The following SLC25A26 variants were observed in gnomAD, a reference collection of about 807,000 sequenced individuals.
The protein encoded by SLC25A26 is solute carrier family 25 member 26.
A neutral mutation model predicts 37.8 loss-of-function variants in SLC25A26; 36 were observed. The ratio of observed to expected loss-of-function variants is 0.95; its 90% CI spans 0.73 to 1.26. SLC25A26 has a LOEUF of 1.26. SLC25A26 is among the 50% of genes most tolerant of loss of function. The probability of loss-of-function intolerance (pLI) is 0.00; values close to 1 mark genes in which losing one functional copy is unlikely to be tolerated. For missense variants in SLC25A26, 390 were observed against 331.1 expected (o/e 1.18, Z -1.38); for synonymous variants, 129 against 122.5 (o/e 1.05, Z -0.35).
At chr3:66,181,904 G>A (rs2070715749) in intron 1 of SLC25A26, among the ~76,000 whole-genome samples, 1 of 149,490 alleles carries the variant, frequency 6.7e-6, no homozygotes, top group Non-Finnish European at 1.5e-5. Flanking sequence ...TGGATGTTGT[G>A]TGTGTGTGCA....
chr3:66,289,535 G>C (rs2074632828), intron 5 of SLC25A26, among the ~76,000 whole-genome samples: 1 of 152,080 alleles, frequency 6.6e-6, no homozygotes, highest in Non-Finnish European at 1.5e-5. Context: ...TGAGTTTTCT[G>C]CTTATGGCTA....
chr3:66,375,534 C>T (rs900963446), intron 9 of SLC25A26, among the ~76,000 whole-genome samples: 10 of 151,700 alleles, frequency 6.6e-5, no homozygotes, highest in African/African-American at 2.4e-4. Flanking sequence ...AGCCAATGCT[C>T]ATTGACTCTT....
intron 1 of SLC25A26, among the ~76,000 whole-genome samples, chr3:66,137,381 C>T (rs60358841): frequency 0.19 from 28,174 of 151,958 alleles, 3,189 homozygotes; most frequent in South Asian, 0.27. Flanking sequence ...GGCCTGCCAC[C>T]AGGCCTGGGT....
intron 6 of SLC25A26, among the ~76,000 whole-genome samples, chr3:66,347,548 T>A (rs1231262876): frequency 6.6e-6 from 1 of 152,152 alleles, no homozygotes; most frequent in East Asian, 1.9e-4. Flanking sequence ...AGTTCAACCA[T>A]TGTGGAAGAC....
chr3:66,267,747 G>A (rs950255242), intron 5 of SLC25A26, among the ~76,000 whole-genome samples: 9 of 152,214 alleles, frequency 5.9e-5, no homozygotes, highest in Non-Finnish European at 1.2e-4. Context: ...AATCTGTTCA[G>A]TAAGTTCATT....
At chr3:66,302,125 G>A (rs987718383) in intron 5 of SLC25A26, among the ~76,000 whole-genome samples, 5 of 152,164 alleles carry the variant, frequency 3.3e-5, no homozygotes, top group East Asian at 1.9e-4. Flanking sequence ...TTTATCCCCA[G>A]TGTCTCTAAT....
intron 2 of SLC25A26, among the ~76,000 whole-genome samples, chr3:66,237,104 C>T (rs570600535): frequency 6.6e-6 from 1 of 152,264 alleles, no homozygotes; most frequent in South Asian, 2.1e-4. Context: ...CCCCAAAGTG[C>T]TGGGATTATA....
chr3:66,185,421 A>C (rs2070806839), intron 1 of SLC25A26, among the ~76,000 whole-genome samples: 1 of 152,200 alleles, frequency 6.6e-6, no homozygotes, highest in East Asian at 1.9e-4. Context: ...TGAGCGTTCA[A>C]GTATCTCTTT....
chr3:66,358,465 C>T (rs978695385), intron 6 of SLC25A26, among the ~76,000 whole-genome samples: 12 of 152,218 alleles, frequency 7.9e-5, no homozygotes, highest in African/African-American at 2.2e-4. Flanking sequence ...TAAGTCATTC[C>T]GGTAGAAATT....
rs149722653 is a variant in SLC25A26 at position 66,180,963 on chromosome 3, C to T, written c.-353-39779C>T. Among the ~76,000 whole-genome samples, 568 of 152,200 alleles carry T rather than the reference C, an allele frequency of 3.7e-3. 4 individuals carry two copies. Among genetic ancestry groups the T allele is most frequent in the African/African-American group, 0.013 (538 of 41,506 alleles). ...AAGAGAAAGAGACACCAGGAGTGTA[C>T]ATACACAGGAAAAAGGCCATGGGAG... On this transcript the variant is annotated intron_variant, in intron 1 of 10. Transcript: ENST00000676754.
intron 5 of SLC25A26, among the ~76,000 whole-genome samples, chr3:66,329,966 C>T (rs1409401006): frequency 7.2e-5 from 11 of 152,088 alleles, no homozygotes; most frequent in African/African-American, 1.7e-4. Flanking sequence ...GGATCTAATC[C>T]GTCAGTAAAT....
At chr3:66,341,335 C>T (rs2076204993) in intron 5 of SLC25A26, among the ~76,000 whole-genome samples, 1 of 152,062 alleles carries the variant, frequency 6.6e-6, no homozygotes, top group Admixed American at 6.6e-5. Context: ...AAACTTGTTT[C>T]CAGGGCTTTA....
chr3:66,304,320 C>T (rs942859842), intron 5 of SLC25A26: 5 of 410,866 alleles, frequency 1.2e-5, no homozygotes, highest in African/African-American at 1.0e-4. Flanking sequence ...CCCACAATGC[C>T]TCTTGATTTA....
At chr3:66,209,058 A>ATATG (rs2071230073) in intron 1 of SLC25A26, among the ~76,000 whole-genome samples, 4 of 24,438 alleles carry the variant, frequency 1.6e-4, no homozygotes, top group African/African-American at 6.2e-4. Context: ...ATATATATAT[A>ATATG]TATATATACA....
intron 5 of SLC25A26, among the ~76,000 whole-genome samples, chr3:66,311,185 C>T (rs1270180829): frequency 2.0e-5 from 3 of 151,890 alleles, no homozygotes; most frequent in East Asian, 1.9e-4. Context: ...AGGCTTTGTT[C>T]GTTCCTTTTC....
upstream of SLC25A26, among the ~76,000 whole-genome samples, chr3:66,219,782 C>G (rs2071419744): frequency 6.6e-6 from 1 of 152,168 alleles, no homozygotes; most frequent in African/African-American, 2.4e-5. Flanking sequence ...AGAGTACTTT[C>G]TATGAGCCAG....
At chr3:66,233,575 A>G (rs782168064) in intron 1 of SLC25A26, among the ~76,000 whole-genome samples, 2 of 152,224 alleles carry the variant, frequency 1.3e-5, no homozygotes, top group Non-Finnish European at 2.9e-5. Flanking sequence ...TATTTTTTAC[A>G]TAATTACATA....
Position 66,361,153 on chromosome 3 carries a change from C to T in SLC25A26, c.499-1707C>T, listed in dbSNP as rs566812217. ...GGCAGTTCATTGGAGAAATGATTATCTTTCCCAGTCACTGGAACAACTGAA... is the reference window on the plus strand; with the variant it reads ...GGCAGTTCATTGGAGAAATGATTATTTTTCCCAGTCACTGGAACAACTGAA... On this transcript the variant is annotated intron_variant, in intron 6 of 9. Transcript: ENST00000354883. Among the ~76,000 whole-genome samples the T allele has an allele frequency of 6.6e-5, 10 of 152,308 alleles. No individual in the cohort carries two copies. In the South Asian group the frequency reaches 2.1e-3, roughly 32 times the overall value.
chr3:66,164,428 C>T (rs1409363825), intron 1 of SLC25A26, among the ~76,000 whole-genome samples: 1 of 152,048 alleles, frequency 6.6e-6, no homozygotes, highest in African/African-American at 2.4e-5. Context: ...CATAAGGGAT[C>T]TCTTCTGATA....
Sources: allele counts gnomAD v4.1 joint callset (sites outside exome capture counted in the v4.1 genomes callset), GRCh38; gene constraint gnomAD v4.1.1; transcripts MANE v1.5; gene names NCBI Gene and HGNC (gene_info 2026-07-23, HGNC 2026-07-21).